Variants in TTC3 observed in about 807,000 individuals in gnomAD.
TTC3 encodes tetratricopeptide repeat domain 3.
A neutral mutation model predicts 249.6 loss-of-function variants in TTC3; 180 were observed. That is an observed-to-expected ratio of 0.72 (90% confidence interval 0.64 to 0.82). The LOEUF is 0.82. Ranked by LOEUF, TTC3 falls within the 40% of genes least tolerant of loss-of-function variation. The pLI is 0.00. For synonymous variants in TTC3, 717 were observed against 805.0 expected, an observed-to-expected ratio of 0.89 and a Z score of 1.85; for missense variants, 2,061 against 2,398.4, an observed-to-expected ratio of 0.86 and a Z score of 2.94.
At chr21:37,184,635 T>C (rs1014101256) in intron 36 of TTC3, among the ~76,000 whole-genome samples, 1 of 148,748 alleles carries the variant, frequency 6.7e-6, no homozygotes, top group Non-Finnish European at 1.5e-5. Context: ...TTCTATTTTT[T>C]TTTTTTTTTT....
At chr21:37,091,179 G>A (rs1000156416) in intron 6 of TTC3, 114 bp from the exon 7 acceptor site, 6 of 1,112,722 alleles carry the variant, frequency 5.4e-6, no homozygotes, top group African/African-American at 1.6e-5. Context: ...ATAAGTGGTT[G>A]TACCAGTTTT....
rs560386281 is a variant in TTC3 at position 37,108,829 on chromosome 21, ACC to A, written c.900+384_900+385del. Among the ~76,000 whole-genome samples, 39 of 152,330 alleles carry A rather than the reference ACC, an allele frequency of 2.6e-4. 2 individuals carry two copies. The East Asian group carries it at 4.0e-3, about 16-fold the overall frequency. On this transcript the variant is annotated intron_variant, in intron 11 of 45. Transcript: ENST00000355666. ...AGTGCACAAATCAGCAGTGAAGACA[ACC>A]ATCTTGATATATTTGGCTATATCGA...
At chr21:37,116,350 G>A (rs1370620914) in intron 11 of TTC3, among the ~76,000 whole-genome samples, 4 of 152,198 alleles carry the variant, frequency 2.6e-5, no homozygotes, top group Admixed American at 2.0e-4. Context: ...GGAGATTGGA[G>A]AGGGTACAAA....
rs748378328 is a variant in TTC3, at chr21:37,156,763, ACT to A, written c.2852_2853del (p.Ser951TyrfsTer7). ...AATGAGAAATATGGTCACAAACTAG[ACT>A]CTATAGAAGGAAAGCAACTTGATTA... On this transcript the variant is annotated frameshift_variant, in exon 28 of 46. Transcript: ENST00000355666. LOFTEE classifies it high-confidence loss of function. The A allele has an allele frequency of 3.1e-6, 5 of 1,613,882 alleles. No individual in the cohort carries two copies. The highest frequency in any genetic ancestry group is 2.7e-5 in the African/African-American group (2 of 74,882).
In TTC3 at chr21:37,147,903, A is replaced by G. The variant is rs113708909; in HGVS notation, c.2016+300A>G. Among the ~76,000 whole-genome samples, 912 of 152,130 alleles carry G rather than the reference A, an allele frequency of 6.0e-3. 11 individuals carry two copies. Among genetic ancestry groups the G allele is most frequent in the African/African-American group, 0.021 (866 of 41,494 alleles). On this transcript the variant is annotated intron_variant, in intron 22 of 45. Transcript: ENST00000355666. ...CCCAGCACGCCCAGCTAATTTTTGC[A>G]TTTTTAGTAGAGACAGGGTTTCACC...
At chr21:37,080,396 G>T in intron 1 of TTC3, among the ~76,000 whole-genome samples, 1 of 150,400 alleles carries the variant, frequency 6.6e-6, no homozygotes. Context: ...TTGCTTTATG[G>T]CCTTGTACAT....
At chr21:37,087,429 T>C in intron 2 of TTC3, 28 bp downstream of exon 2, 1 of 1,612,136 alleles carries the variant, frequency 6.2e-7, no homozygotes, top group Non-Finnish European at 8.5e-7. Flanking sequence ...TTTTTCATTT[T>C]TGACATTGTG....
intron 10 of TTC3, chr21:37,101,287 CCTAAATTTCTGGAAGA>C (rs1173670898): frequency 6.6e-6 from 1 of 151,894 alleles, no homozygotes; most frequent in Non-Finnish European, 1.5e-5. Context: ...TTTTTTCCCC[CCTAAATTTCTGGAAGA>C]CTAGAGATAT....
chr21:37,185,632 T>C, intron 36 of TTC3, 74 bp from the exon 37 acceptor site: 1 of 711,866 alleles, frequency 1.4e-6, no homozygotes, highest in Admixed American at 3.1e-5. Flanking sequence ...AGGATATGGG[T>C]GCAATTTACT....
At chr21:37,088,992 GT>G in intron 5 of TTC3, 106 bp downstream of exon 5, 1 of 1,021,858 alleles carries the variant, frequency 9.8e-7, no homozygotes. Flanking sequence ...ACAGGTAATG[GT>G]TTTAGTTTTG....
chr21:37,134,515 G>T (rs1175943688), intron 17 of TTC3, among the ~76,000 whole-genome samples: 2 of 151,758 alleles, frequency 1.3e-5, no homozygotes, highest in Non-Finnish European at 2.9e-5. Flanking sequence ...TCTGTGATTT[G>T]TGCAGTGGGG....
rs1224410585 is a variant in TTC3 at position 37,133,356 on chromosome 21, G to A, written c.1443+590G>A. ...TCAAAACATGTGGATCTTTTTTTAG[G>A]TATACATAACAGATATTTTACAAAG... On this transcript the variant is annotated intron_variant, in intron 17 of 45. Coordinates refer to ENST00000355666, the Ensembl canonical transcript of TTC3. 2.0e-5 allele frequency among the ~76,000 whole-genome samples: 3 copies of A among 152,004 alleles called. No individual in the cohort carries two copies. In the South Asian group the frequency reaches 6.2e-4, roughly 32 times the overall value.
At chr21:37,142,068 T>A (rs2078523387) in intron 20 of TTC3, among the ~76,000 whole-genome samples, 1 of 152,152 alleles carries the variant, frequency 6.6e-6, no homozygotes, top group Non-Finnish European at 1.5e-5. Context: ...ATGCTAAAAC[T>A]CTCAATAAAT....
Position 37,199,050 on chromosome 21 carries a change from C to T in TTC3, c.5850+1025C>T, listed in dbSNP as rs73204074. Among the ~76,000 whole-genome samples the T allele has an allele frequency of 5.4e-3, 823 of 152,264 alleles. 6 individuals carry two copies. Among genetic ancestry groups the T allele is most frequent in the Admixed American group, 8.8e-3 (134 of 15,302 alleles). On this transcript the variant is annotated intron_variant, in intron 44 of 45. Coordinates refer to ENST00000355666, the Ensembl canonical transcript of TTC3. Reference sequence around the variant, plus strand: ...GCACTTCCTCTTCTTCCCTGACCCTCGAGTCATGGGCAGCAGTGGAGGGGC... The same window carrying T: ...GCACTTCCTCTTCTTCCCTGACCCTTGAGTCATGGGCAGCAGTGGAGGGGC...
chr21:37,107,942 G>A (rs8130846), intron 10 of TTC3: 69,442 of 152,918 alleles, frequency 0.45, 16,338 homozygotes, highest in Non-Finnish European at 0.52. Context: ...AAAATTAGCC[G>A]GGTGTACTGG....
intron 32 of TTC3, among the ~76,000 whole-genome samples, chr21:37,164,680 T>A (rs1041705521): frequency 2.0e-5 from 3 of 152,168 alleles, no homozygotes; most frequent in Non-Finnish European, 1.5e-5. Context: ...TAATGATTAT[T>A]GATTTTGTCA....
intron 10 of TTC3, chr21:37,100,767 C>G (rs2074408366): frequency 6.6e-6 from 1 of 152,220 alleles, no homozygotes; most frequent in African/African-American, 2.4e-5. Flanking sequence ...TTGTGTTTAT[C>G]CCAGGACACC....
intron 36 of TTC3, among the ~76,000 whole-genome samples, chr21:37,183,213 T>A (rs938028724): frequency 2.0e-5 from 3 of 152,202 alleles, no homozygotes; most frequent in African/African-American, 7.2e-5. Flanking sequence ...TCTGGCCCTC[T>A]TTTTTCTTAT....
intron 11 of TTC3, among the ~76,000 whole-genome samples, chr21:37,109,501 G>A (rs2075413226): frequency 6.6e-6 from 1 of 152,244 alleles, no homozygotes; most frequent in African/African-American, 2.4e-5. Context: ...CAAGGTGGCA[G>A]CGAGGCTGGA....
Sources: gnomAD v4.1 joint callset for allele counts (sites outside exome capture counted in the v4.1 genomes callset) on GRCh38, gnomAD v4.1.1 for gene constraint, MANE v1.5 for transcripts, NCBI Gene and HGNC (gene_info 2026-07-23, HGNC 2026-07-21) for gene names.